HECTD2: variants seen among roughly 807,000 people sequenced by gnomAD.
The protein encoded by HECTD2 is HECT domain E3 ubiquitin protein ligase 2.
A neutral mutation model predicts 103.2 loss-of-function variants in HECTD2; 35 were observed. That is an observed-to-expected ratio of 0.34 (90% CI 0.26 to 0.45). The LOEUF (loss-of-function observed/expected upper bound fraction) is 0.45, where lower values mean the gene tolerates loss of function less well. HECTD2 is among the 20% of genes least tolerant of loss of function. HECTD2 has a pLI of 1.00. For missense variants in HECTD2, 596 were observed against 937.4 expected (o/e 0.64, Z 4.76); for synonymous variants, 281 against 329.9 (o/e 0.85, Z 1.61).
Position 91,512,401 on chromosome 10 carries a change from T to C in HECTD2, c.*17T>C, listed in dbSNP as rs1323046520. 2 of 1,605,868 alleles carry C rather than the reference T, an allele frequency of 1.2e-6. No individual in the cohort carries two copies. The highest frequency in any genetic ancestry group is 2.2e-5 in the South Asian group (2 of 90,618). Reference sequence around the variant, plus strand: ...CTTGAGTAACCTAGAAGACTTGAAATATAATCTTTTATATGTAGCATTCAC... The same window carrying C: ...CTTGAGTAACCTAGAAGACTTGAAACATAATCTTTTATATGTAGCATTCAC... On this transcript the variant is annotated 3_prime_UTR_variant, in exon 21 of 21. Transcript: ENST00000298068.
In HECTD2 at chr10:91,454,452, C is replaced by T. The variant is rs976108428; in HGVS notation, c.269-5975C>T. On this transcript the variant is annotated intron_variant, in intron 2 of 20. Transcript: ENST00000298068. ...GAAGTCTCAAGGGAGGTTAAAAAAT[C>T]GATGAGATGGAATGAAAATAAAAAC... Among the ~76,000 whole-genome samples the T allele has an allele frequency of 2.6e-5, 4 of 151,998 alleles. No homozygotes were observed. In the East Asian group the frequency reaches 7.7e-4, roughly 29 times the overall value.
intron 2 of HECTD2, among the ~76,000 whole-genome samples, chr10:91,450,440 A>C (rs778812209): frequency 4.6e-5 from 7 of 152,194 alleles, no homozygotes; most frequent in Non-Finnish European, 1.0e-4. Flanking sequence ...AAACCTAGGC[A>C]GTACCATTCA....
At chr10:91,422,767 A>G (rs1843407832) in intron 1 of HECTD2, among the ~76,000 whole-genome samples, 1 of 152,026 alleles carries the variant, frequency 6.6e-6, no homozygotes, top group Non-Finnish European at 1.5e-5. Flanking sequence ...TCTCTTTTCA[A>G]TTTTCTCTCT....
chr10:91,469,036 CTAAA>C (rs1246287953), intron 5 of HECTD2, among the ~76,000 whole-genome samples: 1 of 151,516 alleles, frequency 6.6e-6, no homozygotes, highest in African/African-American at 2.4e-5. Flanking sequence ...ACTGATTCTC[CTAAA>C]TAGCTCAGTC....
At chr10:91,490,126 A>G (rs2133310469) in intron 11 of HECTD2, 1 of 152,318 alleles carries the variant, frequency 6.6e-6, no homozygotes, top group South Asian at 2.1e-4. Flanking sequence ...AAGCAAAGCC[A>G]TTAACATTTT....
chr10:91,431,392 A>C (rs1047572235), intron 2 of HECTD2, among the ~76,000 whole-genome samples: 13 of 151,756 alleles, frequency 8.6e-5, no homozygotes, highest in East Asian at 5.8e-4. Flanking sequence ...ATCTTTGTGG[A>C]GTTCTCTGTA....
intron 1 of HECTD2, among the ~76,000 whole-genome samples, chr10:91,421,038 C>G (rs187582380): frequency 6.6e-5 from 10 of 152,266 alleles, no homozygotes; most frequent in Admixed American, 5.2e-4. Flanking sequence ...ATTCTTCCCC[C>G]CCTCAGGCTT....
intron 2 of HECTD2, among the ~76,000 whole-genome samples, chr10:91,451,099 C>G (rs1350874219): frequency 2.0e-5 from 3 of 152,108 alleles, no homozygotes; most frequent in Non-Finnish European, 4.4e-5. Flanking sequence ...CTGTTCACAA[C>G]AGCAAAGACT....
intron 2 of HECTD2, among the ~76,000 whole-genome samples, chr10:91,439,629 G>A (rs1241612694): frequency 6.6e-6 from 1 of 152,136 alleles, no homozygotes; most frequent in Non-Finnish European, 1.5e-5. Context: ...AAAGTCAATG[G>A]TAGCTTGATG....
intron 14 of HECTD2, among the ~76,000 whole-genome samples, chr10:91,495,814 C>T (rs1251989975): frequency 6.6e-6 from 1 of 152,126 alleles, no homozygotes; most frequent in Non-Finnish European, 1.5e-5. Flanking sequence ...ATGGCTATCT[C>T]CAAAATCAGT....
Position 91,512,491 on chromosome 10 carries a change from C to T in HECTD2, c.*107C>T. 1 of 1,024,304 alleles carries T rather than the reference C, an allele frequency of 9.8e-7. No individual in the cohort carries two copies. The highest frequency in any genetic ancestry group is 1.4e-6 in the Non-Finnish European group (1 of 710,340). 63.5% of individuals were successfully genotyped at this position (1,024,304 alleles called of 1,614,324 possible). ...CTCAAAACACTTTGACAAAGCTCAC[C>T]AACTTTAAAATATTAAGTTTTTAAA... On this transcript the variant is annotated 3_prime_UTR_variant, in exon 21 of 21. Coordinates refer to ENST00000298068, the MANE Select transcript of HECTD2 (RefSeq NM_182765.6).
chr10:91,443,624 C>T (rs532391496), intron 2 of HECTD2, among the ~76,000 whole-genome samples: 68 of 151,878 alleles, frequency 4.5e-4, no homozygotes, highest in African/African-American at 1.6e-3. Flanking sequence ...GGGAGATCCT[C>T]CTGCTCTCTT....
chr10:91,416,979 A>G (rs1010865247), intron 1 of HECTD2, among the ~76,000 whole-genome samples: 1 of 152,220 alleles, frequency 6.6e-6, no homozygotes, highest in African/African-American at 2.4e-5. Context: ...CAAAAGGTGT[A>G]CAGATACTAT....
chr10:91,421,492 G>A (rs1843356539), intron 1 of HECTD2, among the ~76,000 whole-genome samples: 1 of 152,106 alleles, frequency 6.6e-6, no homozygotes, highest in African/African-American at 2.4e-5. Flanking sequence ...TATGGCTGAT[G>A]AGCTAAAAAG....
At chr10:91,458,249 G>A (rs532098899) in intron 2 of HECTD2, among the ~76,000 whole-genome samples, 1 of 152,000 alleles carries the variant, frequency 6.6e-6, no homozygotes, top group Admixed American at 6.6e-5. Flanking sequence ...TGTATGCTTA[G>A]AATCATACCA....
intron 20 of HECTD2, among the ~76,000 whole-genome samples, chr10:91,510,937 A>AT (rs1847398394): frequency 6.6e-6 from 1 of 152,056 alleles, no homozygotes; most frequent in African/African-American, 2.4e-5. Flanking sequence ...TTACATGTCT[A>AT]TTTTTCCTCA....
intron 15 of HECTD2, 65 bp downstream of exon 15, chr10:91,496,437 T>C: frequency 6.9e-6 from 7 of 1,016,804 alleles, no homozygotes; most frequent in Non-Finnish European, 9.9e-6. Context: ...ACCTGCACAG[T>C]CTCTCCTCCT....
rs532292620 is a variant in HECTD2, at chr10:91,482,438, T to C, written c.712-529T>C. Among the ~76,000 whole-genome samples the C allele has an allele frequency of 2.6e-3, 401 of 152,096 alleles. 2 individuals are homozygous for C. Among genetic ancestry groups the C allele is most frequent in the Non-Finnish European group, 4.2e-3 (283 of 67,812 alleles). ...TCAGAAGCTGTATGTGTTTCTCCCC[T>C]TGTTCTTTGTGATATATGAGGCTAA... On this transcript the variant is annotated intron_variant, in intron 7 of 20. Coordinates refer to ENST00000298068, the MANE Select transcript of HECTD2 (RefSeq NM_182765.6).
chr10:91,497,747 G>A (rs968240846), intron 15 of HECTD2, among the ~76,000 whole-genome samples: 1 of 152,148 alleles, frequency 6.6e-6, no homozygotes, highest in Non-Finnish European at 1.5e-5. Flanking sequence ...AAAAACATTA[G>A]CAGATTTTCA....
Sources: allele counts gnomAD v4.1 joint callset (sites outside exome capture counted in the v4.1 genomes callset), GRCh38; gene constraint gnomAD v4.1.1; transcripts MANE v1.5; gene names NCBI Gene and HGNC (gene_info 2026-07-23, HGNC 2026-07-21).